Variants in TNPO2 observed in about 807,000 individuals in gnomAD.
TNPO2 encodes transportin-2.
TNPO2 carries 16 observed loss-of-function variants against 111.1 expected under a neutral mutation model. That is an observed-to-expected ratio of 0.14 (90% CI 0.10 to 0.22). The LOEUF (loss-of-function observed/expected upper bound fraction) is 0.22. Among genes scored for constraint, TNPO2 ranks in the 10% least tolerant of loss-of-function variants. The pLI is 1.00. For missense variants in TNPO2, 530 were observed against 1,173.7 expected (o/e 0.45, Z 8.01); for synonymous variants, 481 against 475.8 (o/e 1.01, Z -0.14).
chr19:12,702,911 C>T lies in TNPO2; in HGVS notation c.2217G>A (p.Glu739=). The change falls in exon 21 of 26, where the codon GAG becomes GAA. Residue 739 remains glutamate (E), a synonymous_variant. Coordinates refer to ENST00000425528, the MANE Select transcript of TNPO2 (RefSeq NM_001382241.1). The surrounding 1 kb of genome is among the most constrained non-coding windows in gnomAD (Gnocchi z 5.5). ...GGACCATCTGCACATAAGGCTGCAT[C>T]TCTGCCCCTGGGGGAGCACCCAGTC... ...IGEICMQMGA[E]MQPYVQMVLN... 1 of 1,613,882 alleles carries T rather than the reference C, an allele frequency of 6.2e-7. No individual in the cohort carries two copies. Among genetic ancestry groups the T allele is most frequent in the Non-Finnish European group, 8.5e-7 (1 of 1,179,792 alleles).
rs2025564813 is a variant in TNPO2, at chr19:12,705,160, C to T, written c.2022+80G>A. On this transcript the variant is annotated intron_variant, in intron 18 of 25. Transcript: ENST00000425528. The surrounding 1 kb of genome is among the most constrained non-coding windows in gnomAD (Gnocchi z 7.2). ...CACCTTTTCCCTGATTTCCTTTGGGCACAACCAGGCCCTGACTCCCCACCA... is the reference window on the plus strand; with the variant it reads ...CACCTTTTCCCTGATTTCCTTTGGGTACAACCAGGCCCTGACTCCCCACCA... 9.2e-6 allele frequency: 13 copies of T among 1,411,020 alleles called. No individual in the cohort carries two copies. The highest frequency in any genetic ancestry group is 1.3e-5 in the Non-Finnish European group (13 of 1,029,974). 87.4% of individuals were successfully genotyped at this position (1,411,020 alleles called of 1,614,324 possible).
chr19:12,701,401 G>C lies in TNPO2; in HGVS notation c.2639C>G (p.Ser880Cys). Residue 880 changes from serine (S) to cysteine (C), a missense_variant, in exon 25 of 26, where the codon TCT becomes TGT. Transcript: ENST00000425528. This position sits in a 1 kb window ranked among gnomAD's most constrained non-coding sequence, Gnocchi z 5.0. The part of the protein sequence containing the change: ...QVGEDNWQQF[S>C]EQFPPLLKER... Reference sequence around the variant, plus strand: ...CTTGAGCAGCGGCGGGAATTGCTCAGAGAACTGCTGCCAGTTATCTTCCCC... The same window carrying C: ...CTTGAGCAGCGGCGGGAATTGCTCACAGAACTGCTGCCAGTTATCTTCCCC... 1 of 1,613,982 alleles carries C rather than the reference G, an allele frequency of 6.2e-7. No individual in the cohort carries two copies. Among genetic ancestry groups the C allele is most frequent in the Non-Finnish European group, 8.5e-7 (1 of 1,179,894 alleles).
At position 12,701,201 on chromosome 19, in the gene TNPO2, C is replaced by T. The variant is rs900258800; in HGVS notation, c.*63G>A. Reference sequence around the variant, plus strand: ...AGGGCACAGCGACTTCCGGATGCAGCGCACTCCCCAGTAATCCCTCCGACG... The same window carrying T: ...AGGGCACAGCGACTTCCGGATGCAGTGCACTCCCCAGTAATCCCTCCGACG... On this transcript the variant is annotated 3_prime_UTR_variant, in exon 26 of 26. Coordinates refer to ENST00000425528, the MANE Select transcript of TNPO2 (RefSeq NM_001382241.1). The surrounding 1 kb of genome is among the most constrained non-coding windows in gnomAD (Gnocchi z 5.0). 7 of 638,162 alleles carry T rather than the reference C, an allele frequency of 1.1e-5. No homozygotes were observed. Among genetic ancestry groups the T allele is most frequent in the South Asian group, 4.0e-5 (2 of 50,574 alleles). The allele number at this position is 638,162 out of a possible 1,614,324, so 39.5% of individuals were successfully genotyped here. A position where few individuals can be genotyped will look rare whatever the true frequency, so the allele number is the denominator to read the frequency against.
Position 12,715,950 on chromosome 19 carries a change from G to T in TNPO2, c.326-211C>A, listed in dbSNP as rs2026341997. Among the ~76,000 whole-genome samples, 1 of 152,016 alleles carries T rather than the reference G, an allele frequency of 6.6e-6. No homozygotes were observed. Among genetic ancestry groups the T allele is most frequent in the African/African-American group, 2.4e-5 (1 of 41,384 alleles). ...GTGGCACAATCAATAGTCCACAGCA[G>T]CCTCAAACTCCTGGCCTCAAGCCAT... On this transcript the variant is annotated intron_variant, in intron 5 of 25. Transcript: ENST00000425528. The surrounding 1 kb of genome is among the most constrained non-coding windows in gnomAD (Gnocchi z 7.1).
At position 12,705,245 on chromosome 19, in the gene TNPO2, T is replaced by A. The variant is rs781105395; in HGVS notation, c.2017A>T (p.Met673Leu). The A allele has an allele frequency of 6.2e-7, 1 of 1,603,994 alleles. No homozygotes were observed. Among genetic ancestry groups the A allele is most frequent in the East Asian group, 2.2e-5 (1 of 44,478 alleles). The change falls in exon 18 of 26, where the codon ATG (methionine) becomes TTG (leucine). Residue 673 changes from methionine (M) to leucine (L), a missense_variant. Physicochemically the swap from Met to Leu is conservative, Grantham distance 15 (BLOSUM62 2). Around this residue, in one of 4 missense-constraint regions of TNPO2, gnomAD observed 183 missense variants for 481.0 expected, o/e 0.38. Coordinates refer to ENST00000425528, the MANE Select transcript of TNPO2 (RefSeq NM_001382241.1). This position sits in a 1 kb window ranked among gnomAD's most constrained non-coding sequence, Gnocchi z 7.2. ...TGTCCAGGGTCCCCACCCACCTGCA[T>A]GCACTGGAACAGCAATGTCATGATG... The part of the protein sequence containing the change: ...SNIMTLLFQC[M>L]QDSMPEVRQS...
intron 13 of TNPO2, among the ~76,000 whole-genome samples, chr19:12,709,794 T>A (rs993571874): frequency 2.0e-5 from 3 of 152,058 alleles, no homozygotes; most frequent in Non-Finnish European, 4.4e-5. Flanking sequence ...TTTTAAAAAA[T>A]TTTTTGTAGA....
Position 12,715,017 on chromosome 19 carries a change from C to A in TNPO2, c.771+30G>T. The A allele has an allele frequency of 6.4e-7, 1 of 1,574,630 alleles. No individual in the cohort carries two copies. The highest frequency in any genetic ancestry group is 8.6e-7 in the Non-Finnish European group (1 of 1,161,782). On this transcript the variant is annotated intron_variant, in intron 9 of 25. Transcript: ENST00000425528. The surrounding 1 kb of genome is among the most constrained non-coding windows in gnomAD (Gnocchi z 7.1). Reference sequence around the variant, plus strand: ...ACCCCTGCCACCGGCCCCCTGCCTGCCCGCCTGGGCTGGCCTTGACCATGC... The same window carrying A: ...ACCCCTGCCACCGGCCCCCTGCCTGACCGCCTGGGCTGGCCTTGACCATGC...
Position 12,705,771 on chromosome 19 carries a change from G to A in TNPO2, c.1669-3C>T, listed in dbSNP as rs2025614002. The A allele has an allele frequency of 1.4e-6, 2 of 1,458,118 alleles. No homozygotes were observed. Among genetic ancestry groups the A allele is most frequent in the East Asian group, 4.9e-5 (2 of 40,536 alleles). 90.3% of individuals were successfully genotyped at this position (1,458,118 alleles called of 1,614,324 possible). A position where few individuals can be genotyped will look rare whatever the true frequency, so the allele number is the denominator to read the frequency against. ...GGCATCAGCTTCTGGATGTATTCCTGGAGAGGGAGCACGAAATGGGCGCTC... is the reference window on the plus strand; with the variant it reads ...GGCATCAGCTTCTGGATGTATTCCTAGAGAGGGAGCACGAAATGGGCGCTC... On this transcript the variant is annotated splice_region_variant and splice_polypyrimidine_tract_variant and intron_variant, in intron 15 of 25. Coordinates refer to ENST00000425528, the MANE Select transcript of TNPO2 (RefSeq NM_001382241.1). The surrounding 1 kb of genome is among the most constrained non-coding windows in gnomAD (Gnocchi z 7.2).
chr19:12,711,395 A>G lies in TNPO2; in HGVS notation c.1018T>C (p.Ser340Pro). The change falls in exon 12 of 26, where the codon TCA becomes CCA. Residue 340 changes from serine to proline, a missense_variant. Coordinates refer to ENST00000425528, the MANE Select transcript of TNPO2 (RefSeq NM_001382241.1). ...TCGTGGGGCAGTGTGACCGTGCGTG[A>G]CTTGTGGAAGCGTGGCTTGATGTCC... ...EQDIKPRFHK[S>P]RTVTLPHEAE... 1 of 1,613,898 alleles carries G rather than the reference A, an allele frequency of 6.2e-7. No homozygotes were observed. Among genetic ancestry groups the G allele is most frequent in the Non-Finnish European group, 8.5e-7 (1 of 1,179,874 alleles).
chr19:12,702,407 GT>G lies in TNPO2; in HGVS notation c.2306-231del. ...TTTTTGTTTTTTTTTGTTTTGTTTT[GT>G]TTTTGAGATGGAGTCTTGCTCTGTT... On this transcript the variant is annotated intron_variant, in intron 21 of 25. Transcript: ENST00000425528. The surrounding 1 kb of genome is among the most constrained non-coding windows in gnomAD (Gnocchi z 5.5). 2 of 659,870 alleles carry G rather than the reference GT, an allele frequency of 3.0e-6. No homozygotes were observed. Among genetic ancestry groups the G allele is most frequent in the East Asian group, 2.9e-5 (1 of 34,462 alleles). 40.9% of individuals were successfully genotyped at this position (659,870 alleles called of 1,614,324 possible).
intron 12 of TNPO2, 103 bp downstream of exon 12, chr19:12,711,193 C>A (rs1001247431): frequency 1.3e-6 from 2 of 1,486,788 alleles, no homozygotes; most frequent in African/African-American, 2.8e-5. Flanking sequence ...TGCGCCCGGC[C>A]ACGATCAGCT....
In TNPO2 at chr19:12,710,889, C is replaced by CT. The variant is rs965126517; in HGVS notation, c.1118-117dup. ...TGCTCAGAATCTTCACGATCAGCTT[C>CT]TTTTTTTTTGTTTTGTTTTTTTGAG... On this transcript the variant is annotated intron_variant, in intron 12 of 25. Transcript: ENST00000425528. 1,974 of 1,099,130 alleles carry CT rather than the reference C, an allele frequency of 1.8e-3. 1 individual carries two copies. Among genetic ancestry groups the CT allele is most frequent in the African/African-American group, 3.0e-3 (188 of 62,170 alleles). 68.1% of individuals were successfully genotyped at this position (1,099,130 alleles called of 1,614,324 possible). A position where few individuals can be genotyped will look rare whatever the true frequency, so the allele number is the denominator to read the frequency against.
intron 2 of TNPO2, among the ~76,000 whole-genome samples, chr19:12,722,790 T>TCCCAGTGTCTCGTTTTCCC (rs1967092171): frequency 6.6e-6 from 1 of 152,024 alleles, no homozygotes; most frequent in Non-Finnish European, 1.5e-5. Flanking sequence ...CAGCCGGTCC[T>TCCCAGTGTCTCGTTTTCCC]CCCAGTGTCT....
rs1172923959 is a variant in TNPO2, at chr19:12,700,682, A to G, written c.*582T>C. 1.3e-5 allele frequency: 1 copy of G among 77,522 alleles called. No individual in the cohort carries two copies. The highest frequency in any genetic ancestry group is 4.1e-4 in the East Asian group (1 of 2,464). The allele number at this position is 77,522 out of a possible 1,614,324, so 4.8% of individuals were successfully genotyped here. A position where few individuals can be genotyped will look rare whatever the true frequency, so the allele number is the denominator to read the frequency against. ...ACCCAGCCCTCCCCAGTCACCGCCAATTCCGGCAAAACAGCAGAAGCTTCT... is the reference window on the plus strand; with the variant it reads ...ACCCAGCCCTCCCCAGTCACCGCCAGTTCCGGCAAAACAGCAGAAGCTTCT... On this transcript the variant is annotated 3_prime_UTR_variant, in exon 26 of 26. Transcript: ENST00000425528.
rs1568329677 is a variant in TNPO2, at chr19:12,700,528, C to G, written c.*736G>C. ...AGGATAAGGACGGAGACACCACCAG[C>G]TGAGGCTGCAACAAAGCTGGCAGGG... On this transcript the variant is annotated 3_prime_UTR_variant, in exon 26 of 26. Transcript: ENST00000425528. 6.6e-6 allele frequency: 1 copy of G among 152,358 alleles called. No individual in the cohort carries two copies. The highest frequency in any genetic ancestry group is 2.4e-5 in the African/African-American group (1 of 41,446). 9.4% of individuals were successfully genotyped at this position (152,358 alleles called of 1,614,324 possible).
At position 12,703,535 on chromosome 19, in the gene TNPO2, G is replaced by T. The variant is rs2025451682; in HGVS notation, c.2111-9C>A. The T allele has an allele frequency of 6.2e-7, 1 of 1,613,712 alleles. No homozygotes were observed. Among genetic ancestry groups the T allele is most frequent in the Admixed American group, 1.7e-5 (1 of 60,004 alleles). ...AATGGGCATGAACTCGGCTGGTGGG[G>T]AGAAACAGGGGTGCTGAGAAGGAGG... On this transcript the variant is annotated splice_polypyrimidine_tract_variant and intron_variant, in intron 19 of 25. Transcript: ENST00000425528.
Position 12,719,257 on chromosome 19 carries a change from G to A in TNPO2, c.175+4C>T, listed in dbSNP as rs368654379. 79 of 1,613,842 alleles carry A rather than the reference G, an allele frequency of 4.9e-5. No individual in the cohort carries two copies. Among genetic ancestry groups the A allele is most frequent in the Admixed American group, 2.5e-4 (15 of 60,016 alleles). On this transcript the variant is annotated splice_donor_region_variant and intron_variant, in intron 4 of 25. Coordinates refer to ENST00000425528, the MANE Select transcript of TNPO2 (RefSeq NM_001382241.1). The surrounding 1 kb of genome is among the most constrained non-coding windows in gnomAD (Gnocchi z 5.0). ...GATCGCATGGAAGGGAGCAGAGGGC[G>A]TACCTTCTGACTTGAGTCTGGTCAG...
intron 13 of TNPO2, among the ~76,000 whole-genome samples, chr19:12,708,527 A>G (rs559760870): frequency 5.3e-5 from 8 of 151,942 alleles, no homozygotes; most frequent in Non-Finnish European, 1.0e-4. Context: ...CACAAGATCT[A>G]TGTTTACCAG....
Position 12,705,801 on chromosome 19 carries a change from G to T in TNPO2, c.1669-33C>A. The T allele has an allele frequency of 1.4e-6, 2 of 1,410,460 alleles. No individual in the cohort carries two copies. Among genetic ancestry groups the T allele is most frequent in the Non-Finnish European group, 1.9e-6 (2 of 1,061,024 alleles). The allele number at this position is 1,410,460 out of a possible 1,614,324, so 87.4% of individuals were successfully genotyped here. ...GGGAGCACGAAATGGGCGCTCCCTG[G>T]GTCGGGGTGGCAGACTGTGACTCAG... On this transcript the variant is annotated intron_variant, in intron 15 of 25. Transcript: ENST00000425528. The surrounding 1 kb of genome is among the most constrained non-coding windows in gnomAD (Gnocchi z 7.2).
Sources: gnomAD v4.1 joint callset for allele counts (sites outside exome capture counted in the v4.1 genomes callset) on GRCh38, gnomAD v4.1.1 for gene constraint, gnomAD v4.1.1 regional missense constraint, Gnocchi (gnomAD v3.1) non-coding constraint, MANE v1.5 for transcripts, NCBI Gene and HGNC (gene_info 2026-07-23, HGNC 2026-07-21) for gene names.